Variants in ITPR2 observed in about 807,000 individuals in gnomAD.
ITPR2 encodes inositol 1,4,5-trisphosphate-gated calcium channel ITPR2.
In ITPR2, 207 loss-of-function variants were observed where a neutral mutation model predicts 317.1. The observed-to-expected ratio is 0.65, with a 90% CI of 0.58 to 0.73. The LOEUF (loss-of-function observed/expected upper bound fraction) is 0.73. Ranked by LOEUF, ITPR2 falls within the 30% of genes least tolerant of loss-of-function variation. ITPR2 has a pLI of 0.00. For synonymous variants in ITPR2, 1,156 were observed against 1,149.1 expected (o/e 1.01, Z -0.12); for missense variants, 2,613 against 3,284.0 (o/e 0.80, Z 4.99).
At chr12:26,593,597 T>G (rs1945760426) in intron 32 of ITPR2, among the ~76,000 whole-genome samples, 1 of 152,220 alleles carries the variant, frequency 6.6e-6, no homozygotes, top group Non-Finnish European at 1.5e-5. Context: ...AAAAACCTTT[T>G]TGCAGTATAG....
At chr12:26,392,155 T>A (rs1234607072) in intron 54 of ITPR2, among the ~76,000 whole-genome samples, 3 of 152,226 alleles carry the variant, frequency 2.0e-5, no homozygotes, top group African/African-American at 7.2e-5. Flanking sequence ...CACTCCTTTT[T>A]CCAGCTGCCT....
chr12:26,480,760 A>G (rs981704966), intron 43 of ITPR2, among the ~76,000 whole-genome samples: 2 of 152,180 alleles, frequency 1.3e-5, no homozygotes, highest in Non-Finnish European at 2.9e-5. Flanking sequence ...GAATCACTTG[A>G]ACCTGGGAGG....
At chr12:26,497,222 C>T (rs1238912373) in intron 37 of ITPR2, among the ~76,000 whole-genome samples, 20 of 148,666 alleles carry the variant, frequency 1.3e-4, no homozygotes, top group African/African-American at 4.2e-4. Flanking sequence ...GGCACAATCT[C>T]GGCTCACTGC....
intron 1 of ITPR2, among the ~76,000 whole-genome samples, chr12:26,828,338 A>G (rs1225462185): frequency 6.6e-6 from 1 of 152,180 alleles, no homozygotes; most frequent in Non-Finnish European, 1.5e-5. Context: ...ATATCTACCA[A>G]TTGTACTCCG....
Position 26,715,176 on chromosome 12 carries a change from A to C in ITPR2, c.855+123T>G, listed in dbSNP as rs1017925965. ...GCAATGAATAGGCACAAGTTGGTTC[A>C]CAAAAATTATTCTATTTTATGATTC... On this transcript the variant is annotated intron_variant, in intron 8 of 56. Transcript: ENST00000381340. 6 of 932,950 alleles carry C rather than the reference A, an allele frequency of 6.4e-6. No homozygotes were observed. The African/African-American group carries it at 1.0e-4, about 16-fold the overall frequency. 57.8% of individuals were successfully genotyped at this position (932,950 alleles called of 1,614,324 possible).
At chr12:26,822,839 T>C (rs1400034731) in intron 1 of ITPR2, among the ~76,000 whole-genome samples, 11 of 152,334 alleles carry the variant, frequency 7.2e-5, no homozygotes, top group Middle Eastern at 3.4e-3. Flanking sequence ...TTAAACCTTA[T>C]GGAAAATAAG....
intron 55 of ITPR2, among the ~76,000 whole-genome samples, chr12:26,383,332 T>G (rs966981686): frequency 1.3e-5 from 2 of 152,190 alleles, no homozygotes; most frequent in Admixed American, 6.5e-5. Flanking sequence ...TTTACAGCAA[T>G]GCAAAACAGA....
chr12:26,562,087 T>G lies in ITPR2; in HGVS notation c.4631-135A>C, dbSNP rs189349151. The G allele has an allele frequency of 5.4e-5, 32 of 595,642 alleles. 1 individual carries two copies. The highest frequency in any genetic ancestry group is 9.3e-4 in the Middle Eastern group (2 of 2,158). 36.9% of individuals were successfully genotyped at this position (595,642 alleles called of 1,614,324 possible). A position where few individuals can be genotyped will look rare whatever the true frequency, so the allele number is the denominator to read the frequency against. ...CTGCCATTAACTTGTTTTATATAAC[T>G]GTAAAAGCTTCTAACCTGAATGTAT... On this transcript the variant is annotated intron_variant, in intron 34 of 56. Coordinates refer to ENST00000381340, the MANE Select transcript of ITPR2 (RefSeq NM_002223.4).
intron 1 of ITPR2, among the ~76,000 whole-genome samples, chr12:26,806,555 G>C (rs1336489152): frequency 6.6e-6 from 1 of 152,146 alleles, no homozygotes; most frequent in Non-Finnish European, 1.5e-5. Flanking sequence ...CCTTCACTAC[G>C]TCTTAAGGGG....
chr12:26,496,025 A>G (rs1168598266), intron 37 of ITPR2, among the ~76,000 whole-genome samples: 2 of 152,232 alleles, frequency 1.3e-5, no homozygotes, highest in African/African-American at 4.8e-5. Context: ...TTAAAATAAT[A>G]CATTTTGTAA....
At chr12:26,677,592 C>A (rs1947940859) in intron 13 of ITPR2, among the ~76,000 whole-genome samples, 1 of 148,974 alleles carries the variant, frequency 6.7e-6, no homozygotes, top group African/African-American at 2.4e-5. Flanking sequence ...AGAGCAAGAC[C>A]CTCTCTCAAA....
intron 55 of ITPR2, among the ~76,000 whole-genome samples, chr12:26,365,810 G>A (rs772205581): frequency 1.3e-5 from 2 of 152,238 alleles, no homozygotes; most frequent in Admixed American, 6.5e-5. Context: ...CAATGAGCGT[G>A]CAAAGGAAAA....
intron 14 of ITPR2, 43 bp from the exon 15 acceptor site, chr12:26,663,889 G>A: frequency 6.7e-7 from 1 of 1,487,350 alleles, no homozygotes; most frequent in Non-Finnish European, 9.0e-7. Flanking sequence ...TGAATAAAAT[G>A]TTTTGCAACC....
intron 46 of ITPR2, among the ~76,000 whole-genome samples, chr12:26,440,091 T>C (rs1216724384): frequency 2.0e-5 from 3 of 152,188 alleles, no homozygotes; most frequent in African/African-American, 7.2e-5. Context: ...CCTTTGCCAC[T>C]GACTGGTGTG....
chr12:26,711,610 A>G (rs1333979741), intron 8 of ITPR2, among the ~76,000 whole-genome samples: 1 of 152,222 alleles, frequency 6.6e-6, no homozygotes, highest in Admixed American at 6.5e-5. Context: ...AGAGCCCACT[A>G]TGTGCCAAGT....
chr12:26,449,847 A>C (rs1217938502), intron 45 of ITPR2, among the ~76,000 whole-genome samples: 1 of 152,172 alleles, frequency 6.6e-6, no homozygotes, highest in Admixed American at 6.6e-5. Flanking sequence ...ATTGTGTCCA[A>C]ATCAAGCCAA....
chr12:26,647,155 C>T (rs1490959628), intron 21 of ITPR2, among the ~76,000 whole-genome samples: 1 of 152,106 alleles, frequency 6.6e-6, no homozygotes, highest in Non-Finnish European at 1.5e-5. Flanking sequence ...AAGTTGAACC[C>T]CAGTCCCGTT....
chr12:26,534,037 A>G (rs1022556357), intron 37 of ITPR2, among the ~76,000 whole-genome samples: 1 of 152,180 alleles, frequency 6.6e-6, no homozygotes, highest in Non-Finnish European at 1.5e-5. Flanking sequence ...TCTCCCTGGC[A>G]TCTAATCCCT....
At chr12:26,437,136 C>T (rs1207043367) in intron 47 of ITPR2, among the ~76,000 whole-genome samples, 1 of 152,180 alleles carries the variant, frequency 6.6e-6, no homozygotes, top group African/African-American at 2.4e-5. Flanking sequence ...ATTGGTAATG[C>T]ATGTAAGTTT....
Sources: gnomAD v4.1 joint callset for allele counts (sites outside exome capture counted in the v4.1 genomes callset) on GRCh38, gnomAD v4.1.1 for gene constraint, MANE v1.5 for transcripts, NCBI Gene and HGNC (gene_info 2026-07-23, HGNC 2026-07-21) for gene names.